Variants in MYO1H observed in about 807,000 individuals in gnomAD.
MYO1H encodes the protein myosin IH.
In MYO1H, 118 loss-of-function variants were observed where a neutral mutation model predicts 149.3. The ratio of observed to expected loss-of-function variants is 0.79; its 90% CI spans 0.68 to 0.92. MYO1H has a LOEUF of 0.92. MYO1H is among the 40% of genes least tolerant of loss of function. MYO1H has a pLI of 0.00. For synonymous variants in MYO1H, 447 were observed against 465.2 expected (o/e 0.96, Z 0.50); for missense variants, 1,212 against 1,280.7 (o/e 0.95, Z 0.82).
At chr12:109,371,782 T>C (rs1303402497) in intron 1 of MYO1H, among the ~76,000 whole-genome samples, 3 of 152,232 alleles carry the variant, frequency 2.0e-5, no homozygotes, top group Non-Finnish European at 4.4e-5. Context: ...ACCTTCTCAC[T>C]TGTAATAGAT....
chr12:109,423,994 G>A (rs1012060302), intron 16 of MYO1H, among the ~76,000 whole-genome samples: 8 of 152,226 alleles, frequency 5.3e-5, no homozygotes, highest in Non-Finnish European at 1.0e-4. Flanking sequence ...TCTCGCCCGA[G>A]AGTCAACTGC....
intron 3 of MYO1H, among the ~76,000 whole-genome samples, chr12:109,393,705 A>T (rs1869776658): frequency 6.6e-6 from 1 of 152,158 alleles, no homozygotes; most frequent in Non-Finnish European, 1.5e-5. Context: ...ACATCCATCC[A>T]TCCATCCATC....
At chr12:109,408,338 A>G (rs1018576624) in intron 10 of MYO1H, among the ~76,000 whole-genome samples, 2 of 140,098 alleles carry the variant, frequency 1.4e-5, no homozygotes, top group African/African-American at 4.9e-5. Flanking sequence ...TGCCCTGCTA[A>G]TTTTAAAAAA....
intron 1 of MYO1H, among the ~76,000 whole-genome samples, chr12:109,373,949 T>C (rs949189052): frequency 6.6e-6 from 1 of 152,124 alleles, no homozygotes; most frequent in African/African-American, 2.4e-5. Context: ...ATCACACCAC[T>C]GCACTCCAGC....
At chr12:109,409,482 T>G (rs1870568368) in intron 10 of MYO1H, 75 bp from the exon 11 acceptor site, 2 of 1,293,294 alleles carry the variant, frequency 1.5e-6, no homozygotes, top group East Asian at 2.3e-5. Context: ...AGTCCCAGTT[T>G]AGGGGAGCAG....
chr12:109,412,282 C>T (rs1195448652), intron 14 of MYO1H, among the ~76,000 whole-genome samples: 2 of 152,112 alleles, frequency 1.3e-5, no homozygotes, highest in African/African-American at 2.4e-5. Flanking sequence ...CTCAGCCTCC[C>T]AAGAAGCCAG....
chr12:109,425,971 T>C (rs1170766829), exon 18 of MYO1H: 2 of 1,613,828 alleles, frequency 1.2e-6, no homozygotes, highest in South Asian at 2.2e-5. Flanking sequence ...AAAAACAGTC[T>C]GAGCAGCCTT....
chr12:109,330,304 A>C, the MYO1H span, among the ~76,000 whole-genome samples: 1 of 152,210 alleles, frequency 6.6e-6, no homozygotes, highest in Admixed American at 6.5e-5. Context: ...ATATACATAC[A>C]CACATGAAGC....
Position 109,425,606 on chromosome 12 carries a change from A to G in MYO1H, c.1726-340A>G, listed in dbSNP as rs115803747. 9.8e-3 allele frequency among the ~76,000 whole-genome samples: 1,493 copies of G among 152,330 alleles called. 34 individuals are homozygous for G. The highest frequency in any genetic ancestry group is 0.034 in the African/African-American group (1,426 of 41,572). On this transcript the variant is annotated intron_variant, in intron 17 of 31. Transcript: ENST00000310903. ...TATAATAATACCAGCATCATGAAGG[A>G]CACGTGTCAACAAAGAAACACAAAG...
chr12:109,406,431 A>G (rs1870387425), intron 8 of MYO1H, among the ~76,000 whole-genome samples: 2 of 134,254 alleles, frequency 1.5e-5, no homozygotes, highest in Non-Finnish European at 3.1e-5. Flanking sequence ...ATGCCACTGC[A>G]CTCCAGCCTG....
In MYO1H at chr12:109,440,868, G is replaced by A. The variant is rs370382569; in HGVS notation, c.2538+41G>A. 38 of 1,379,924 alleles carry A rather than the reference G, an allele frequency of 2.8e-5. No homozygotes were observed. In the African/African-American group the frequency reaches 4.3e-4, roughly 16 times the overall value. The allele number at this position is 1,379,924 out of a possible 1,614,324, so 85.5% of individuals were successfully genotyped here. A position where few individuals can be genotyped will look rare whatever the true frequency, so the allele number is the denominator to read the frequency against. ...CTGCGGTGGCCGGTGGTGGGGGTGG[G>A]TGTAAGAGTGGGTCCTGAGTGTCAG... is the stretch of plus-strand genomic sequence containing the variant. On this transcript the variant is annotated intron_variant, in intron 25 of 31. Coordinates refer to ENST00000310903, the Ensembl canonical transcript of MYO1H.
At chr12:109,407,649 G>T in intron 9 of MYO1H, 145 bp from the exon 10 acceptor site, 4 of 595,538 alleles carry the variant, frequency 6.7e-6, no homozygotes, top group Non-Finnish European at 7.8e-6. Context: ...GGCACCTGTA[G>T]TCCCAGCTAC....
intron 15 of MYO1H, among the ~76,000 whole-genome samples, chr12:109,416,306 C>T (rs532160234): frequency 2.1e-3 from 320 of 152,152 alleles, no homozygotes; most frequent in Non-Finnish European, 3.7e-3. Context: ...CCTCTAACCC[C>T]ACCCCTTCCC....
upstream of MYO1H, among the ~76,000 whole-genome samples, chr12:109,347,077 G>A (rs572042609): frequency 2.6e-5 from 4 of 151,998 alleles, no homozygotes; most frequent in African/African-American, 4.8e-5. Context: ...GAGGTCAGTC[G>A]CTGGACCCAC....
At chr12:109,424,757 A>C in exon 17 of MYO1H, 1 of 1,613,826 alleles carries the variant, frequency 6.2e-7, no homozygotes, top group Non-Finnish European at 8.5e-7. Flanking sequence ...GGTGCTGTGC[A>C]AGTCCAAGAA....
chr12:109,389,845 TC>T (rs1869565737), intron 2 of MYO1H, among the ~76,000 whole-genome samples: 4 of 152,132 alleles, frequency 2.6e-5, no homozygotes, highest in African/African-American at 9.7e-5. Context: ...GTAATGCTGC[TC>T]GTGACTTAAT....
chr12:109,447,965 C>T (rs979308862), exon 32 of MYO1H: 2 of 152,228 alleles, frequency 1.3e-5, no homozygotes, highest in African/African-American at 2.4e-5. Flanking sequence ...GAGCCTGCCA[C>T]GCTTGTGACT....
intron 1 of MYO1H, among the ~76,000 whole-genome samples, chr12:109,384,072 T>C (rs1869258313): frequency 6.6e-6 from 1 of 152,228 alleles, no homozygotes; most frequent in African/African-American, 2.4e-5. Flanking sequence ...AATTCCAAAC[T>C]TCTGACTTAA....
chr12:109,423,944 A>C (rs1373873943), intron 16 of MYO1H, among the ~76,000 whole-genome samples: 1 of 152,228 alleles, frequency 6.6e-6, no homozygotes, highest in East Asian at 1.9e-4. Flanking sequence ...AAAGTCAAAC[A>C]GTCCAAAAGC....
Sources: gnomAD v4.1 joint callset for allele counts (sites outside exome capture counted in the v4.1 genomes callset) on GRCh38, gnomAD v4.1.1 for gene constraint, MANE v1.5 for transcripts, NCBI Gene and HGNC (gene_info 2026-07-23, HGNC 2026-07-21) for gene names.